FAM118B: variants seen among roughly 807,000 people sequenced by gnomAD.
The protein encoded by FAM118B is protein FAM118B.
In FAM118B, 24 loss-of-function variants were observed where a neutral mutation model predicts 38.5. That is an observed-to-expected ratio of 0.62 (90% CI 0.45 to 0.88). The LOEUF (loss-of-function observed/expected upper bound fraction) is 0.88, where lower values mean the gene tolerates loss of function less well. FAM118B is among the 40% of genes least tolerant of loss of function. The probability of loss-of-function intolerance (pLI) is 0.00; values close to 1 mark genes in which losing one functional copy is unlikely to be tolerated. For synonymous variants in FAM118B, 138 were observed against 156.3 expected (o/e 0.88, Z 0.87); for missense variants, 334 against 420.0 (o/e 0.80, Z 1.79).
chr11:126,247,142 A>G (rs755546069), intron 4 of FAM118B, among the ~76,000 whole-genome samples: 8 of 152,132 alleles, frequency 5.3e-5, no homozygotes, highest in Non-Finnish European at 1.0e-4. Flanking sequence ...AAAATTTAAA[A>G]AGTAGTCGGC....
intron 2 of FAM118B, among the ~76,000 whole-genome samples, chr11:126,230,610 A>G (rs1591509132): frequency 6.6e-6 from 1 of 152,244 alleles, no homozygotes; most frequent in East Asian, 1.9e-4. Context: ...TTTCCAGGCA[A>G]AAATACTTTT....
chr11:126,219,354 T>C, intron 1 of FAM118B, among the ~76,000 whole-genome samples: 1 of 17,970 alleles, frequency 5.6e-5, no homozygotes, highest in Non-Finnish European at 1.2e-4. Flanking sequence ...TTTATCTTTT[T>C]TTTTTTTTTT....
intron 2 of FAM118B, among the ~76,000 whole-genome samples, chr11:126,232,643 T>C (rs1366845972): frequency 6.6e-6 from 1 of 152,000 alleles, no homozygotes; most frequent in African/African-American, 2.4e-5. Context: ...CACCTAAGTT[T>C]TTTCCTTAAA....
At chr11:126,246,288 A>G (rs1379944499) in intron 4 of FAM118B, among the ~76,000 whole-genome samples, 4 of 152,182 alleles carry the variant, frequency 2.6e-5, no homozygotes, top group Admixed American at 6.5e-5. Flanking sequence ...AACAGTATCA[A>G]CTCAGCAGTA....
chr11:126,240,574 G>A (rs555161322), intron 3 of FAM118B, among the ~76,000 whole-genome samples: 24 of 152,254 alleles, frequency 1.6e-4, no homozygotes, highest in South Asian at 1.2e-3. Flanking sequence ...TTGGTTTTGG[G>A]ATTCCTGAAA....
intron 1 of FAM118B, among the ~76,000 whole-genome samples, chr11:126,216,179 C>A (rs2135121697): frequency 6.6e-6 from 1 of 152,138 alleles, no homozygotes; most frequent in South Asian, 2.1e-4. Flanking sequence ...AGTTCAAGAC[C>A]AGCCTGGCCA....
Position 126,256,935 on chromosome 11 carries a change from T to C in FAM118B, c.982+83T>C, listed in dbSNP as rs1565340973. On this transcript the variant is annotated intron_variant, in intron 7 of 8. Transcript: ENST00000533050. The surrounding 1 kb of genome is among the most constrained non-coding windows in gnomAD (Gnocchi z 6.6). ...TGTATTTGTGATGTGATGGGCAAAA[T>C]AGTTGCCAAGATGAGGAATGTAATG... 8.0e-6 allele frequency: 11 copies of C among 1,381,816 alleles called. No individual in the cohort carries two copies. Among genetic ancestry groups the C allele is most frequent in the African/African-American group, 2.9e-5 (2 of 68,998 alleles). 85.6% of individuals were successfully genotyped at this position (1,381,816 alleles called of 1,614,324 possible). A position where few individuals can be genotyped will look rare whatever the true frequency, so the allele number is the denominator to read the frequency against.
At position 126,256,810 on chromosome 11, in the gene FAM118B, T is replaced by A; in HGVS notation, c.940T>A (p.Phe314Ile). ...GDDYADLPEY[F>I]KRLTCEISTR... ...TGACTATGCCGATCTTCCAGAATAT[T>A]TCAAGCGACTGACATGTGAGATCTC... The change falls in exon 7 of 9, where the codon TTC becomes ATC. Residue 314 changes from phenylalanine (F) to isoleucine (I), a missense_variant. Phe to Ile is a conservative substitution (Grantham distance 21). Around this residue, in one of 3 missense-constraint regions of FAM118B, gnomAD observed 88 missense variants for 98.1 expected, o/e 0.90. Transcript: ENST00000533050. This position sits in a 1 kb window ranked among gnomAD's most constrained non-coding sequence, Gnocchi z 6.6. The A allele has an allele frequency of 6.2e-7, 1 of 1,612,596 alleles. No individual in the cohort carries two copies. The highest frequency in any genetic ancestry group is 8.5e-7 in the Non-Finnish European group (1 of 1,179,388).
intron 2 of FAM118B, among the ~76,000 whole-genome samples, chr11:126,233,349 C>T (rs150719808): frequency 2.6e-5 from 4 of 152,248 alleles, no homozygotes; most frequent in Non-Finnish European, 4.4e-5. Flanking sequence ...GTGGCGCATG[C>T]CTGTAATCCC....
At chr11:126,216,847 C>G (rs1949985411) in intron 1 of FAM118B, among the ~76,000 whole-genome samples, 1 of 152,234 alleles carries the variant, frequency 6.6e-6, no homozygotes, top group East Asian at 1.9e-4. Context: ...GGATGATTAC[C>G]ATAGACTTTG....
chr11:126,212,693 T>C (rs929156554), intron 1 of FAM118B, among the ~76,000 whole-genome samples: 6 of 152,202 alleles, frequency 3.9e-5, no homozygotes, highest in Admixed American at 3.9e-4. Context: ...CCTGAGGAGT[T>C]ATTAGAGAAT....
At chr11:126,211,946 C>T (rs1318350752) in intron 1 of FAM118B, 116 bp downstream of exon 1, 3 of 363,472 alleles carry the variant, frequency 8.3e-6, no homozygotes, top group Admixed American at 4.5e-5. Context: ...AGAAACGTTT[C>T]TCCTTTTGGT....
chr11:126,216,466 T>C (rs530272866), intron 1 of FAM118B, among the ~76,000 whole-genome samples: 1 of 152,340 alleles, frequency 6.6e-6, no homozygotes, highest in African/African-American at 2.4e-5. Context: ...GTTGTTTTCC[T>C]CTTTTCCTCT....
At chr11:126,232,743 T>TA (rs1052841945) in intron 2 of FAM118B, among the ~76,000 whole-genome samples, 14 of 151,250 alleles carry the variant, frequency 9.3e-5, no homozygotes, top group South Asian at 2.1e-4. Context: ...ATTTTTTCCT[T>TA]AAAAAAACTT....
chr11:126,211,871 G>A (rs1949883153), intron 1 of FAM118B, 41 bp downstream of exon 1: 1 of 547,330 alleles, frequency 1.8e-6, no homozygotes, highest in Non-Finnish European at 3.2e-6. Flanking sequence ...GGGAAATGCC[G>A]GTGCCTCAAC....
rs1000902552 is a variant in FAM118B at position 126,262,457 on chromosome 11, G to A, written c.*324G>A. Reference sequence around the variant, plus strand: ...ACTTCCACTGACCGGCTGCAGCTCTGCATGAAGGACTCGGGGTCTGGATGC... The same window carrying A: ...ACTTCCACTGACCGGCTGCAGCTCTACATGAAGGACTCGGGGTCTGGATGC... On this transcript the variant is annotated 3_prime_UTR_variant, in exon 9 of 9. Transcript: ENST00000533050. The A allele has an allele frequency of 2.8e-6, 1 of 362,866 alleles. No homozygotes were observed. The highest frequency in any genetic ancestry group is 5.0e-6 in the Non-Finnish European group (1 of 201,428). The allele number at this position is 362,866 out of a possible 1,614,324, so 22.5% of individuals were successfully genotyped here.
In FAM118B at chr11:126,246,957, T is replaced by G. The variant is rs75991259; in HGVS notation, c.340-3549T>G. Among the ~76,000 whole-genome samples, 732 of 152,210 alleles carry G rather than the reference T, an allele frequency of 4.8e-3. 4 individuals are homozygous for G. The highest frequency in any genetic ancestry group is 0.017 in the African/African-American group (695 of 41,516). On this transcript the variant is annotated intron_variant, in intron 4 of 8. Coordinates refer to ENST00000533050, the MANE Select transcript of FAM118B (RefSeq NM_024556.4). ...TCATCTGCTTTAAGAGAAAAAAACTTTCCAGCCTGGGAAACAAAGCGGGAC... is the reference window on the plus strand; with the variant it reads ...TCATCTGCTTTAAGAGAAAAAAACTGTCCAGCCTGGGAAACAAAGCGGGAC...
intron 4 of FAM118B, chr11:126,245,247 A>G (rs1384794918): frequency 6.6e-6 from 1 of 152,124 alleles, no homozygotes; most frequent in Non-Finnish European, 1.5e-5. Context: ...TAGCCACTGC[A>G]CTCTAGCCTG....
At position 126,250,565 on chromosome 11, in the gene FAM118B, C is replaced by G. The variant is rs1464311564; in HGVS notation, c.399C>G (p.Asp133Glu). Reference sequence around the variant, plus strand: ...ACTGTTTATATGAAGTATTTGATGACTTGGAGTCAAAGATGGAAGATTCTG... The same window carrying G: ...ACTGTTTATATGAAGTATTTGATGAGTTGGAGTCAAAGATGGAAGATTCTG... ...FKDCLYEVFD[D>E]LESKMEDSGK... The change falls in exon 5 of 9, where the codon GAC becomes GAG. Residue 133 changes from aspartate (D) to glutamate (E), a missense_variant. Asp to Glu is a conservative substitution (Grantham distance 45). Coordinates refer to ENST00000533050, the MANE Select transcript of FAM118B (RefSeq NM_024556.4). The surrounding 1 kb of genome is among the most constrained non-coding windows in gnomAD (Gnocchi z 5.1). The G allele has an allele frequency of 1.9e-6, 3 of 1,613,916 alleles. No homozygotes were observed. Among genetic ancestry groups the G allele is most frequent in the African/African-American group, 2.7e-5 (2 of 74,908 alleles).
Sources: allele counts gnomAD v4.1 joint callset (sites outside exome capture counted in the v4.1 genomes callset), GRCh38; gene constraint gnomAD v4.1.1; regional missense constraint gnomAD v4.1.1; non-coding constraint Gnocchi (gnomAD v3.1); transcripts MANE v1.5; gene names NCBI Gene and HGNC (gene_info 2026-07-23, HGNC 2026-07-21).